Variants in NXPH1 observed in about 807,000 individuals in gnomAD.
NXPH1 encodes the protein neurexophilin 1.
A neutral mutation model predicts 23.7 loss-of-function variants in NXPH1; 5 were observed. The observed-to-expected ratio is 0.21, with a 90% CI of 0.11 to 0.44. The LOEUF is 0.44. NXPH1 is among the 20% of genes least tolerant of loss of function. NXPH1 has a pLI of 0.99. For missense variants in NXPH1, 324 were observed against 321.6 expected, an observed-to-expected ratio of 1.01 and a Z score of -0.06; for synonymous variants, 144 against 122.2, an observed-to-expected ratio of 1.18 and a Z score of -1.18.
At chr7:8,563,947 T>A (rs1394178025) in intron 2 of NXPH1, among the ~76,000 whole-genome samples, 1 of 151,790 alleles carries the variant, frequency 6.6e-6, no homozygotes, top group African/African-American at 2.4e-5. Flanking sequence ...CTTCTTCAGT[T>A]AGCCAATGCC....
intron 2 of NXPH1, among the ~76,000 whole-genome samples, chr7:8,454,197 T>C (rs1451414587): frequency 6.6e-6 from 1 of 152,092 alleles, no homozygotes; most frequent in Admixed American, 6.6e-5. Flanking sequence ...ATGACACCTA[T>C]GTAACAAACC....
At chr7:8,636,050 A>G (rs1820213861) in intron 2 of NXPH1, among the ~76,000 whole-genome samples, 1 of 152,108 alleles carries the variant, frequency 6.6e-6, no homozygotes, top group Admixed American at 6.6e-5. Flanking sequence ...TTTTATTTTT[A>G]TTGAAGTTGG....
At chr7:8,587,243 T>A (rs887345298) in intron 2 of NXPH1, among the ~76,000 whole-genome samples, 12 of 152,066 alleles carry the variant, frequency 7.9e-5, no homozygotes, top group African/African-American at 2.7e-4. Flanking sequence ...CGTGTATATA[T>A]CTCTAATTCT....
At chr7:8,580,384 T>C (rs1562410394) in intron 2 of NXPH1, among the ~76,000 whole-genome samples, 1 of 152,072 alleles carries the variant, frequency 6.6e-6, no homozygotes, top group Non-Finnish European at 1.5e-5. Context: ...ATCCACTTAC[T>C]CTTGGCAGAA....
intron 2 of NXPH1, among the ~76,000 whole-genome samples, chr7:8,520,728 C>T (rs1458455244): frequency 2.6e-5 from 4 of 152,134 alleles, no homozygotes; most frequent in Non-Finnish European, 5.9e-5. Context: ...AACAGTGTTT[C>T]AGTTCTGAGC....
chr7:8,612,807 G>A (rs1473146263), intron 2 of NXPH1, among the ~76,000 whole-genome samples: 1 of 152,004 alleles, frequency 6.6e-6, no homozygotes, highest in Non-Finnish European at 1.5e-5. Flanking sequence ...CCTTCTTGGC[G>A]AGTGTTTTGT....
chr7:8,609,774 G>A (rs77716526), intron 2 of NXPH1, among the ~76,000 whole-genome samples: 1 of 152,056 alleles, frequency 6.6e-6, no homozygotes, highest in East Asian at 1.9e-4. Flanking sequence ...AGCTATTTTT[G>A]TCTATTAATT....
At chr7:8,701,443 C>T (rs1779621813) in intron 2 of NXPH1, among the ~76,000 whole-genome samples, 1 of 152,048 alleles carries the variant, frequency 6.6e-6, no homozygotes. Context: ...TCTTAAATTC[C>T]TACAAGACAG....
chr7:8,464,467 A>G (rs1816745961), intron 2 of NXPH1, among the ~76,000 whole-genome samples: 1 of 152,114 alleles, frequency 6.6e-6, no homozygotes, highest in African/African-American at 2.4e-5. Flanking sequence ...TTTTTACCCC[A>G]CTACACTAAT....
At chr7:8,515,757 A>G (rs1238651665) in intron 2 of NXPH1, among the ~76,000 whole-genome samples, 1 of 152,146 alleles carries the variant, frequency 6.6e-6, no homozygotes, top group Non-Finnish European at 1.5e-5. Flanking sequence ...AACAATTGGT[A>G]GGCCTGAGCG....
At position 8,720,850 on chromosome 7, in the gene NXPH1, T is replaced by A. The variant is rs558055076; in HGVS notation, c.55-30158T>A. ...AAAGTTCTAGAACTTTCCTATAAAA[T>A]GATTTGCAGTGCACATCAGTACAAC... On this transcript the variant is annotated intron_variant, in intron 2 of 2. Transcript: ENST00000405863. Among the ~76,000 whole-genome samples the A allele has an allele frequency of 3.7e-3, 557 of 152,334 alleles. 4 individuals are homozygous for A. The highest frequency in any genetic ancestry group is 0.013 in the African/African-American group (529 of 41,568).
At chr7:8,508,886 G>T (rs1817570389) in intron 2 of NXPH1, among the ~76,000 whole-genome samples, 1 of 152,038 alleles carries the variant, frequency 6.6e-6, no homozygotes, top group East Asian at 1.9e-4. Flanking sequence ...TATGCCTATG[G>T]TCATTTGGGG....
At chr7:8,471,804 T>A (rs1816876970) in intron 2 of NXPH1, among the ~76,000 whole-genome samples, 1 of 152,168 alleles carries the variant, frequency 6.6e-6, no homozygotes, top group Non-Finnish European at 1.5e-5. Context: ...TGTTCCTTTG[T>A]TCAACTATAC....
chr7:8,515,662 A>G (rs1405199699), intron 2 of NXPH1, among the ~76,000 whole-genome samples: 2 of 152,138 alleles, frequency 1.3e-5, no homozygotes, highest in Non-Finnish European at 2.9e-5. Flanking sequence ...GGTGTTCTAA[A>G]GGGCTGTAAA....
chr7:8,451,419 GTTTC>G (rs1816505213), intron 2 of NXPH1, among the ~76,000 whole-genome samples: 1 of 152,190 alleles, frequency 6.6e-6, no homozygotes, highest in African/African-American at 2.4e-5. Flanking sequence ...AGCAGTAGGA[GTTTC>G]TTTTTCTTAC....
intron 2 of NXPH1, among the ~76,000 whole-genome samples, chr7:8,585,717 C>A (rs941725935): frequency 6.6e-6 from 1 of 152,174 alleles, no homozygotes; most frequent in African/African-American, 2.4e-5. Context: ...GAATGTGCAT[C>A]ACATATGTTG....
At chr7:8,478,014 A>G (rs1194085463) in intron 2 of NXPH1, among the ~76,000 whole-genome samples, 3 of 152,100 alleles carry the variant, frequency 2.0e-5, no homozygotes, top group African/African-American at 7.2e-5. Flanking sequence ...TCCCATTGCT[A>G]CACTTATAGT....
At chr7:8,484,423 T>C (rs1271810507) in intron 2 of NXPH1, among the ~76,000 whole-genome samples, 3 of 152,060 alleles carry the variant, frequency 2.0e-5, no homozygotes, top group Non-Finnish European at 4.4e-5. Flanking sequence ...AGCTCAGTGA[T>C]AGCAGCTGTC....
intron 2 of NXPH1, among the ~76,000 whole-genome samples, chr7:8,518,732 T>C (rs902916676): frequency 1.3e-5 from 2 of 152,130 alleles, no homozygotes; most frequent in Non-Finnish European, 2.9e-5. Flanking sequence ...GCAATCCTCC[T>C]GCCTCAGCCT....
Sources: allele counts gnomAD v4.1 joint callset (sites outside exome capture counted in the v4.1 genomes callset), GRCh38; gene constraint gnomAD v4.1.1; transcripts MANE v1.5; gene names NCBI Gene and HGNC (gene_info 2026-07-23, HGNC 2026-07-21).